NEDD4L: variants seen among roughly 807,000 people sequenced by gnomAD.
NEDD4L encodes NEDD4 like E3 ubiquitin protein ligase.
In NEDD4L, 54 loss-of-function variants were observed where a neutral mutation model predicts 148.9. The observed-to-expected ratio is 0.36, with a 90% CI of 0.29 to 0.45. The LOEUF (loss-of-function observed/expected upper bound fraction) is 0.45, where lower values mean the gene tolerates loss of function less well. Ranked by LOEUF, NEDD4L falls within the 20% of genes least tolerant of loss-of-function variation. The pLI is 1.00. For synonymous variants in NEDD4L, 433 were observed against 440.7 expected (o/e 0.98, Z 0.22); for missense variants, 856 against 1,233.8 (o/e 0.69, Z 4.59).
At chr18:58,099,842 A>G (rs1447367975) in intron 1 of NEDD4L, among the ~76,000 whole-genome samples, 2 of 152,182 alleles carry the variant, frequency 1.3e-5, no homozygotes, top group African/African-American at 2.4e-5. Flanking sequence ...CACAGACACA[A>G]TATAGGAAAA....
intron 1 of NEDD4L, among the ~76,000 whole-genome samples, chr18:58,124,352 C>T (rs1384985119): frequency 2.6e-5 from 4 of 152,206 alleles, no homozygotes; most frequent in African/African-American, 7.2e-5. Flanking sequence ...CCACTAAGCC[C>T]GATTTCTGTG....
At chr18:58,070,887 C>T (rs1263005270) in intron 1 of NEDD4L, among the ~76,000 whole-genome samples, 1 of 152,126 alleles carries the variant, frequency 6.6e-6, no homozygotes, top group Non-Finnish European at 1.5e-5. Flanking sequence ...CTGAAAATCA[C>T]TAATCAGATA....
intron 1 of NEDD4L, among the ~76,000 whole-genome samples, chr18:58,081,449 T>G (rs1209429044): frequency 1.3e-5 from 2 of 151,952 alleles, no homozygotes; most frequent in Non-Finnish European, 2.9e-5. Flanking sequence ...TCTCCTGACC[T>G]CCTGATCCAC....
chr18:58,231,053 G>T (rs932395390), intron 2 of NEDD4L, among the ~76,000 whole-genome samples: 1 of 151,912 alleles, frequency 6.6e-6, no homozygotes, highest in African/African-American at 2.4e-5. Flanking sequence ...TTTGCAACCA[G>T]CCTGGGCAAC....
intron 3 of NEDD4L, among the ~76,000 whole-genome samples, chr18:58,245,781 A>G (rs1246956382): frequency 6.7e-6 from 1 of 148,514 alleles, no homozygotes; most frequent in Non-Finnish European, 1.5e-5. Flanking sequence ...CCTGGGTTCA[A>G]GTGATTCTCC....
At chr18:58,369,680 G>T (rs2046582824) in intron 22 of NEDD4L, among the ~76,000 whole-genome samples, 1 of 152,194 alleles carries the variant, frequency 6.6e-6, no homozygotes, top group African/African-American at 2.4e-5. Flanking sequence ...GGGGTGCCAG[G>T]TCTGGTGGGG....
Position 58,390,705 on chromosome 18 carries a change from A to G in NEDD4L, c.2715A>G (p.Thr905=), listed in dbSNP as rs374600334. The change falls in exon 29 of 31, where the codon ACA becomes ACG. Residue 905 remains threonine, a synonymous_variant. Transcript: ENST00000400345. ...GGTTACTGCAGTTTGTCACAGGGAC[A>G]TCGCGAGTACCTATGAATGGATTTG... is the stretch of plus-strand genomic sequence containing the variant. ...RIRLLQFVTG[T]SRVPMNGFAE... 5.6e-6 allele frequency: 9 copies of G among 1,600,208 alleles called. No homozygotes were observed. The highest frequency in any genetic ancestry group is 1.6e-4 in the Middle Eastern group (1 of 6,070).
intron 1 of NEDD4L, among the ~76,000 whole-genome samples, chr18:58,095,935 T>A (rs1038376107): frequency 8.6e-5 from 13 of 151,982 alleles, no homozygotes; most frequent in South Asian, 2.1e-4. Flanking sequence ...TTTTTTTTTT[T>A]AAACTCATCA....
At chr18:58,310,769 G>A (rs1229545612) in intron 5 of NEDD4L, among the ~76,000 whole-genome samples, 1 of 152,204 alleles carries the variant, frequency 6.6e-6, no homozygotes, top group Non-Finnish European at 1.5e-5. Flanking sequence ...ATGCATTACT[G>A]AGGGCCTCTG....
intron 23 of NEDD4L, 24 bp downstream of exon 23, chr18:58,370,491 TG>T: frequency 6.7e-7 from 1 of 1,502,908 alleles, no homozygotes; most frequent in Non-Finnish European, 9.3e-7. Flanking sequence ...CGTCACACAC[TG>T]GCCATCACCG....
intron 1 of NEDD4L, among the ~76,000 whole-genome samples, chr18:58,052,247 A>G (rs1231351974): frequency 2.0e-5 from 3 of 152,196 alleles, no homozygotes; most frequent in Non-Finnish European, 4.4e-5. Context: ...CTGATGCAAG[A>G]CCGTGGCTGA....
chr18:58,296,859 T>A (rs991614264), intron 5 of NEDD4L, among the ~76,000 whole-genome samples: 2 of 151,978 alleles, frequency 1.3e-5, no homozygotes, highest in Admixed American at 6.6e-5. Context: ...GAGGTGGAGG[T>A]TGCGGTGAGC....
At chr18:58,095,991 C>A (rs1212322468) in intron 1 of NEDD4L, among the ~76,000 whole-genome samples, 4 of 151,360 alleles carry the variant, frequency 2.6e-5, no homozygotes, top group Non-Finnish European at 5.9e-5. Flanking sequence ...CAAGACAATT[C>A]TTCTTCTTCC....
chr18:58,199,425 C>G (rs1490689141), intron 2 of NEDD4L, among the ~76,000 whole-genome samples: 2 of 152,050 alleles, frequency 1.3e-5, no homozygotes, highest in Non-Finnish European at 2.9e-5. Context: ...CCACTTTCTA[C>G]ATTGCACAGG....
chr18:58,295,876 TG>T (rs2055486665), intron 5 of NEDD4L, among the ~76,000 whole-genome samples: 2 of 152,074 alleles, frequency 1.3e-5, no homozygotes, highest in African/African-American at 4.8e-5. Flanking sequence ...GATTTATTTT[TG>T]GGGGGTGGTT....
chr18:58,214,167 CG>C (rs139373573), intron 2 of NEDD4L, among the ~76,000 whole-genome samples: 48,030 of 151,870 alleles, frequency 0.32, 7,756 homozygotes, highest in East Asian at 0.47. Context: ...ATCACCTGAT[CG>C]CTGCCCCAGG....
At chr18:58,373,697 T>C (rs2146353227) in intron 24 of NEDD4L, among the ~76,000 whole-genome samples, 1 of 152,364 alleles carries the variant, frequency 6.6e-6, no homozygotes, top group Non-Finnish European at 1.5e-5. Context: ...GACATTTGTC[T>C]TGTGAGGCTC....
chr18:58,105,702 A>G (rs1425064989), intron 1 of NEDD4L, among the ~76,000 whole-genome samples: 4 of 152,188 alleles, frequency 2.6e-5, no homozygotes, highest in Non-Finnish European at 2.9e-5. Flanking sequence ...TCACGAGTCA[A>G]TGTGTTGTTT....
chr18:58,385,415 C>T, intron 25 of NEDD4L, 111 bp from the exon 26 acceptor site: 1 of 859,612 alleles, frequency 1.2e-6, no homozygotes, highest in Non-Finnish European at 2.0e-6. Flanking sequence ...AGGAGACCCT[C>T]CCCTCTGCTC....
Sources: allele counts gnomAD v4.1 joint callset (sites outside exome capture counted in the v4.1 genomes callset), GRCh38; gene constraint gnomAD v4.1.1; transcripts MANE v1.5; gene names NCBI Gene and HGNC (gene_info 2026-07-23, HGNC 2026-07-21).